ITGB4: variants seen among roughly 807,000 people sequenced by gnomAD.
The protein encoded by ITGB4 is integrin beta-4.
ITGB4 carries 159 observed loss-of-function variants against 207.6 expected under a neutral mutation model. The observed-to-expected ratio is 0.77, with a 90% CI of 0.67 to 0.87. The LOEUF (loss-of-function observed/expected upper bound fraction) is 0.87. Among genes scored for constraint, ITGB4 ranks in the 40% least tolerant of loss-of-function variants. The pLI, the probability that ITGB4 is intolerant of heterozygous loss-of-function variation, is 0.00. For synonymous variants in ITGB4, 1,020 were observed against 1,062.7 expected, an observed-to-expected ratio of 0.96 and a Z score of 0.78; for missense variants, 2,278 against 2,546.8, an observed-to-expected ratio of 0.89 and a Z score of 2.27.
At position 75,739,245 on chromosome 17, in the gene ITGB4, C is replaced by T. The variant is rs2010043; in HGVS notation, c.2221-427C>T. On this transcript the variant is annotated intron_variant, in intron 18 of 39. Transcript: ENST00000200181. The surrounding 1 kb of genome is among the most constrained non-coding windows in gnomAD (Gnocchi z 5.4). ...GGGAGGTAGAGGTTGCAGTGAGCCG[C>T]GATCGTGCCACTGCATTCCAGCCTG... Among the ~76,000 whole-genome samples the T allele has an allele frequency of 2.7e-5, 4 of 149,934 alleles. No homozygotes were observed. Among genetic ancestry groups the T allele is most frequent in the Non-Finnish European group, 4.4e-5 (3 of 67,542 alleles).
At chr17:75,754,316 A>AC (rs929961685) in intron 33 of ITGB4, among the ~76,000 whole-genome samples, 15 of 151,694 alleles carry the variant, frequency 9.9e-5, no homozygotes, top group African/African-American at 3.6e-4. Flanking sequence ...GACGCAGCAA[A>AC]CCCCCGCCAC....
In ITGB4 at chr17:75,757,422, T is replaced by C. The variant is rs871443; in HGVS notation, c.5336T>C (p.Leu1779Pro). 1,205,916 of 1,612,904 alleles carry C rather than the reference T, an allele frequency of 0.75. 462,348 individuals are homozygous for C. Among genetic ancestry groups the C allele is most frequent in the Non-Finnish European group, 0.78 (924,231 of 1,179,916 alleles). Residue 1779 changes from leucine to proline, a missense_variant, in exon 40 of 40, where the codon CTG becomes CCG. Coordinates refer to ENST00000200181, the MANE Select transcript of ITGB4 (RefSeq NM_000213.5). Reference sequence around the variant, plus strand: ...AATGCCTCCTCCTCCACAGATGGGCTGACCCTGGGGGCCCAGCACCTGGAG... The same window carrying C: ...AATGCCTCCTCCTCCACAGATGGGCCGACCCTGGGGGCCCAGCACCTGGAG... ...SATEPFLVDGLTLGAQHLEAG... is the reference protein window; with the variant it reads ...SATEPFLVDGPTLGAQHLEAG...
intron 16 of ITGB4, among the ~76,000 whole-genome samples, chr17:75,736,988 C>T (rs933032467): frequency 6.6e-6 from 1 of 152,142 alleles, no homozygotes; most frequent in Non-Finnish European, 1.5e-5. Flanking sequence ...GGGCATGCAC[C>T]CAGCAGGGGT....
rs773444327 is a variant in ITGB4, at chr17:75,739,723, C to T, written c.2254+18C>T. 3.1e-6 allele frequency: 5 copies of T among 1,614,044 alleles called. No individual in the cohort carries two copies. The South Asian group carries it at 3.3e-5, about 11-fold the overall frequency. On this transcript the variant is annotated intron_variant, in intron 19 of 39. Transcript: ENST00000200181. This position sits in a 1 kb window ranked among gnomAD's most constrained non-coding sequence, Gnocchi z 5.4. Reference sequence around the variant, plus strand: ...CAACCGAGGTATGGGCCTGGCATCGCAGGGGCAGCAGGGGCTCTGACTGCT... The same window carrying T: ...CAACCGAGGTATGGGCCTGGCATCGTAGGGGCAGCAGGGGCTCTGACTGCT...
In ITGB4 at chr17:75,728,455, C is replaced by T. The variant is rs781039955; in HGVS notation, c.548C>T (p.Thr183Met). The change falls in exon 6 of 40, where the codon ACG becomes ATG. Residue 183 changes from threonine to methionine, a missense_variant. Physicochemically the swap from Thr to Met is moderately conservative, Grantham distance 81. Coordinates refer to ENST00000200181, the MANE Select transcript of ITGB4 (RefSeq NM_000213.5). ...GTGGACAAAGTCAGCGTCCCGCAGA[C>T]GGACATGAGGCCTGAGAAGTAAGTG... ...KFVDKVSVPQTDMRPEKLKEP... is the reference protein window; with the variant it reads ...KFVDKVSVPQMDMRPEKLKEP... 3.0e-5 allele frequency: 48 copies of T among 1,613,876 alleles called. No individual in the cohort carries two copies. Among genetic ancestry groups the T allele is most frequent in the Non-Finnish European group, 3.2e-5 (38 of 1,179,874 alleles).
Position 75,730,942 on chromosome 17 carries a change from A to G in ITGB4, c.1070A>G (p.Glu357Gly). The G allele has an allele frequency of 6.2e-7, 1 of 1,613,696 alleles. No homozygotes were observed. The highest frequency in any genetic ancestry group is 8.5e-7 in the Non-Finnish European group (1 of 1,179,850). ...CAGGAGGACTCGTCCAACATCGTGG[A>G]GCTGCTGGAGGAGGCCTTCAATGTG... ...VLQEDSSNIV[E>G]LLEEAFNRIR... Residue 357 changes from glutamate (E) to glycine (G), a missense_variant, in exon 9 of 40, where the codon GAG (glutamate) becomes GGG (glycine). Glu to Gly is a moderately conservative substitution (Grantham distance 98). Coordinates refer to ENST00000200181, the MANE Select transcript of ITGB4 (RefSeq NM_000213.5).
chr17:75,728,463 A>T lies in ITGB4; in HGVS notation c.556A>T (p.Arg186Trp), dbSNP rs554105131. ...DKVSVPQTDM[R>W]PEKLKEPWPN... is the part of the protein sequence containing the mutation. ...AGTCAGCGTCCCGCAGACGGACATG[A>T]GGCCTGAGAAGTAAGTGACTGTGTG... Residue 186 changes from arginine (R) to tryptophan (W), a missense_variant, in exon 6 of 40, where the codon AGG (arginine) becomes TGG (tryptophan). Arg to Trp is a moderately radical substitution (Grantham distance 101). Coordinates refer to ENST00000200181, the MANE Select transcript of ITGB4 (RefSeq NM_000213.5). The T allele has an allele frequency of 6.2e-7, 1 of 1,613,730 alleles. No homozygotes were observed. Among genetic ancestry groups the T allele is most frequent in the Non-Finnish European group, 8.5e-7 (1 of 1,179,656 alleles).
At position 75,748,681 on chromosome 17, in the gene ITGB4, C is replaced by CA. The variant is rs2061289973; in HGVS notation, c.3112-157dup. On this transcript the variant is annotated intron_variant, in intron 26 of 39. Coordinates refer to ENST00000200181, the MANE Select transcript of ITGB4 (RefSeq NM_000213.5). ...TGAGATTACGCCTCAAAAAAAAAAACAAACAAAAAAAACACAAAAACCTGA... is the reference window on the plus strand; with the variant it reads ...TGAGATTACGCCTCAAAAAAAAAAACAAAACAAAAAAAACACAAAAACCTGA... Among the ~76,000 whole-genome samples the CA allele has an allele frequency of 4.0e-5, 6 of 150,516 alleles. No individual in the cohort carries two copies. In the South Asian group the frequency reaches 1.3e-3, roughly 32 times the overall value.
At chr17:75,741,507 C>T (rs1433915265) in intron 23 of ITGB4, among the ~76,000 whole-genome samples, 1 of 151,978 alleles carries the variant, frequency 6.6e-6, no homozygotes, top group Non-Finnish European at 1.5e-5. Flanking sequence ...AGCACATGAC[C>T]ATCAGTAAGA....
rs769790730 is a variant in ITGB4 at position 75,727,513 on chromosome 17, G to C, written c.264+8G>C. The C allele has an allele frequency of 1.9e-5, 31 of 1,613,164 alleles. No individual in the cohort carries two copies. The highest frequency in any genetic ancestry group is 2.7e-5 in the African/African-American group (2 of 74,940). On this transcript the variant is annotated splice_region_variant and intron_variant, in intron 4 of 39. Transcript: ENST00000200181. The surrounding 1 kb of genome is among the most constrained non-coding windows in gnomAD (Gnocchi z 6.0). ...AGCTTCCAAATCACAGAGGTGCCTG[G>C]TGTGGGGACTGGGGTGGGGGCTCCC... is the stretch of plus-strand genomic sequence containing the variant.
At chr17:75,737,244 G>A in intron 16 of ITGB4, 78 bp from the exon 17 acceptor site, 2 of 1,534,796 alleles carry the variant, frequency 1.3e-6, no homozygotes, top group South Asian at 1.2e-5. Flanking sequence ...GCAGAGTAGG[G>A]GCCCCCTCAC....
chr17:75,736,192 C>T (rs8064336), intron 14 of ITGB4, 38 bp downstream of exon 14: 2 of 1,605,234 alleles, frequency 1.2e-6, no homozygotes, highest in Non-Finnish European at 1.7e-6. Flanking sequence ...TCTGTCAGCA[C>T]CACCCACCCT....
At chr17:75,737,226 G>C (rs578239466) in intron 16 of ITGB4, 96 bp from the exon 17 acceptor site, 2 of 1,474,608 alleles carry the variant, frequency 1.4e-6, no homozygotes, top group Non-Finnish European at 1.8e-6. Context: ...CCGTGGGTGA[G>C]GCAGATCGCA....
Position 75,756,526 on chromosome 17 carries a change from CCA to C in ITGB4, c.4807_4808del (p.Gln1603GlufsTer10). 6.2e-7 allele frequency: 1 copy of C among 1,613,338 alleles called. No homozygotes were observed. Among genetic ancestry groups the C allele is most frequent in the Non-Finnish European group, 8.5e-7 (1 of 1,180,008 alleles). ...NHSYVFRVRA[Q>X]SQEGWGRERE... ...ACTCCTACGTGTTCCGCGTGCGGGC[CCA>C]GAGCCAGGAAGGCTGGGGCCGAGAG... On this transcript the variant is annotated frameshift_variant, in exon 36 of 40. Coordinates refer to ENST00000200181, the MANE Select transcript of ITGB4 (RefSeq NM_000213.5). LOFTEE classifies it high-confidence loss of function.
chr17:75,738,021 G>A (rs766497379), intron 18 of ITGB4, among the ~76,000 whole-genome samples: 20 of 152,134 alleles, frequency 1.3e-4, no homozygotes, highest in Non-Finnish European at 2.6e-4. Flanking sequence ...GTAGAGTCCA[G>A]CTGTCTGGAT....
intron 6 of ITGB4, among the ~76,000 whole-genome samples, chr17:75,728,860 G>C (rs4788906): frequency 6.6e-6 from 1 of 151,636 alleles, no homozygotes; most frequent in Non-Finnish European, 1.5e-5. Flanking sequence ...GGTGGGCACC[G>C]GTAGTCCCAG....
rs1434893120 is a variant in ITGB4 at position 75,722,364 on chromosome 17, A to G, written c.-11+752A>G. ...CCTGGTGACTCCCAGGAGCAGGGAC[A>G]GGGCTTCTCCTCTGCCCCCATGGCC... On this transcript the variant is annotated intron_variant, in intron 1 of 39. Coordinates refer to ENST00000200181, the MANE Select transcript of ITGB4 (RefSeq NM_000213.5). The surrounding 1 kb of genome is among the most constrained non-coding windows in gnomAD (Gnocchi z 6.2). 6.6e-6 allele frequency among the ~76,000 whole-genome samples: 1 copy of G among 152,206 alleles called. No individual in the cohort carries two copies. Among genetic ancestry groups the G allele is most frequent in the African/African-American group, 2.4e-5 (1 of 41,448 alleles).
chr17:75,728,320 G>C, intron 5 of ITGB4, 57 bp from the exon 6 acceptor site: 1 of 1,484,474 alleles, frequency 6.7e-7, no homozygotes, highest in Non-Finnish European at 9.4e-7. Flanking sequence ...TGGGGGGCCC[G>C]TGTTTATGCC....
At chr17:75,756,124 C>G (rs1017654604) in intron 35 of ITGB4, among the ~76,000 whole-genome samples, 1 of 152,210 alleles carries the variant, frequency 6.6e-6, no homozygotes, top group African/African-American at 2.4e-5. Flanking sequence ...ATCCTAGGGC[C>G]TCTGCTGGCC....
Sources: allele counts gnomAD v4.1 joint callset (sites outside exome capture counted in the v4.1 genomes callset), GRCh38; gene constraint gnomAD v4.1.1; non-coding constraint Gnocchi (gnomAD v3.1); transcripts MANE v1.5; gene names NCBI Gene and HGNC (gene_info 2026-07-23, HGNC 2026-07-21).